Variants in MDGA2 observed in about 807,000 individuals in gnomAD.
The protein encoded by MDGA2 is MAM domain-containing glycosylphosphatidylinositol anchor protein 2.
Under a neutral mutation model 117.8 loss-of-function variants are expected in MDGA2, and 40 were observed. The observed-to-expected ratio is 0.34, with a 90% CI of 0.26 to 0.44. The LOEUF (loss-of-function observed/expected upper bound fraction) is 0.44. Ranked by LOEUF, MDGA2 falls within the 20% of genes least tolerant of loss-of-function variation. The pLI is 1.00. For synonymous variants in MDGA2, 452 were observed against 439.0 expected (o/e 1.03, Z -0.37); for missense variants, 1,123 against 1,250.6 (o/e 0.90, Z 1.54).
At chr14:47,193,151 T>G (rs949917886) in intron 3 of MDGA2, among the ~76,000 whole-genome samples, 2 of 152,234 alleles carry the variant, frequency 1.3e-5, no homozygotes, top group Non-Finnish European at 2.9e-5. Context: ...CTCGAAAAAG[T>G]AAGATTTCAG....
chr14:46,873,189 T>C (rs534370849), intron 14 of MDGA2: 2 of 384,458 alleles, frequency 5.2e-6, no homozygotes, highest in African/African-American at 2.1e-5. Context: ...AACTCATTGA[T>C]TGTCTACCTG....
At chr14:47,407,914 A>G (rs1892291546) in intron 1 of MDGA2, among the ~76,000 whole-genome samples, 1 of 152,182 alleles carries the variant, frequency 6.6e-6, no homozygotes, top group Admixed American at 6.5e-5. Context: ...CAGATAACAA[A>G]TAACACATGT....
chr14:47,600,801 C>T (rs1896633995), intron 1 of MDGA2, among the ~76,000 whole-genome samples: 1 of 151,468 alleles, frequency 6.6e-6, no homozygotes, highest in South Asian at 2.1e-4. Context: ...CAGCTTTCAA[C>T]TGTCTGTCTG....
At chr14:47,506,994 CTT>C (rs34589993) in intron 1 of MDGA2, among the ~76,000 whole-genome samples, 21 of 135,890 alleles carry the variant, frequency 1.5e-4, no homozygotes, top group East Asian at 2.1e-4. Flanking sequence ...AGGCTGCTTA[CTT>C]TTTTTTTTTT....
chr14:47,172,069 T>G (rs928512189), intron 3 of MDGA2, among the ~76,000 whole-genome samples: 2 of 152,064 alleles, frequency 1.3e-5, no homozygotes, highest in Non-Finnish European at 2.9e-5. Context: ...GAGATCAAAC[T>G]GCAAGGTGGC....
chr14:46,851,818 CATT>C (rs1406842269), intron 15 of MDGA2, among the ~76,000 whole-genome samples: 13 of 151,538 alleles, frequency 8.6e-5, no homozygotes, highest in East Asian at 1.9e-4. Context: ...ATATTGGTAT[CATT>C]GTTGTTATCA....
chr14:47,189,593 A>G (rs186846040), intron 3 of MDGA2, among the ~76,000 whole-genome samples: 1 of 152,302 alleles, frequency 6.6e-6, no homozygotes, highest in African/African-American at 2.4e-5. Flanking sequence ...TTAAACAAAA[A>G]TGCTGTCATT....
At chr14:46,936,933 G>A (rs1219957235) in intron 9 of MDGA2, among the ~76,000 whole-genome samples, 2 of 151,964 alleles carry the variant, frequency 1.3e-5, no homozygotes, top group Non-Finnish European at 2.9e-5. Flanking sequence ...AGTACTAGAT[G>A]TCCTAGCCAG....
chr14:46,851,796 T>A (rs1881065915), intron 15 of MDGA2, among the ~76,000 whole-genome samples: 2 of 151,824 alleles, frequency 1.3e-5, no homozygotes, highest in Non-Finnish European at 2.9e-5. Flanking sequence ...AAACCTTAAT[T>A]TATATAGTAA....
intron 1 of MDGA2, among the ~76,000 whole-genome samples, chr14:47,508,031 T>C (rs1049961822): frequency 2.0e-4 from 31 of 152,218 alleles, no homozygotes; most frequent in African/African-American, 7.0e-4. Context: ...TGAAAAAGAA[T>C]TCTATTTTTG....
chr14:47,651,064 G>A (rs1370275681), intron 1 of MDGA2, among the ~76,000 whole-genome samples: 1 of 152,080 alleles, frequency 6.6e-6, no homozygotes, highest in Non-Finnish European at 1.5e-5. Context: ...ATGATTTTGT[G>A]ATCAAAAATA....
chr14:47,494,775 T>C (rs964575204), intron 1 of MDGA2, among the ~76,000 whole-genome samples: 1 of 151,794 alleles, frequency 6.6e-6, no homozygotes, highest in African/African-American at 2.4e-5. Context: ...ATTTATTGAA[T>C]AGGGTGTCTT....
chr14:46,873,477 G>T lies in MDGA2; in HGVS notation c.2708C>A (p.Ala903Glu), dbSNP rs762165305. ...GTGATAAAAGAAGCTGAAACAATATGCAGTGTTTGTGGGTCCATAAGGGTT... is the reference window on the plus strand; with the variant it reads ...GTGATAAAAGAAGCTGAAACAATATTCAGTGTTTGTGGGTCCATAAGGGTT... ...PKNPYGPTNTAYCFSFFYHMY... is the reference protein window; with the variant it reads ...PKNPYGPTNTEYCFSFFYHMY... The change falls in exon 14 of 17, where the codon GCA becomes GAA. Residue 903 changes from alanine to glutamate, a missense_variant. Transcript: ENST00000399232. 1 of 1,612,192 alleles carries T rather than the reference G, an allele frequency of 6.2e-7. No individual in the cohort carries two copies. Among genetic ancestry groups the T allele is most frequent in the African/African-American group, 1.3e-5 (1 of 74,754 alleles).
At chr14:47,282,563 C>T (rs1475530366) in intron 2 of MDGA2, among the ~76,000 whole-genome samples, 1 of 151,520 alleles carries the variant, frequency 6.6e-6, no homozygotes, top group Admixed American at 6.6e-5. Flanking sequence ...CCGGGTGTGG[C>T]GGCAGGCGCC....
intron 2 of MDGA2, among the ~76,000 whole-genome samples, chr14:47,219,824 G>A (rs902113331): frequency 2.0e-5 from 3 of 152,104 alleles, no homozygotes; most frequent in Admixed American, 2.0e-4. Context: ...AATAGCATAT[G>A]TGTGTATTCA....
At chr14:47,384,611 G>C (rs1273554727) in intron 1 of MDGA2, among the ~76,000 whole-genome samples, 1 of 151,860 alleles carries the variant, frequency 6.6e-6, no homozygotes, top group Admixed American at 6.6e-5. Context: ...ATGTTTTGCA[G>C]TATGGCTTGA....
rs189909521 is a variant in MDGA2, at chr14:47,243,038, G to A, written c.421-24843C>T. ...ACTCTGTATCTAGCTGCTCTGGTGA[G>A]GACGTGCAGAACCTTTACATCTAGC... On this transcript the variant is annotated intron_variant, in intron 2 of 16. Transcript: ENST00000399232. 3.2e-4 allele frequency among the ~76,000 whole-genome samples: 48 copies of A among 151,858 alleles called. No homozygotes were observed. The South Asian group carries it at 6.5e-3, about 21-fold the overall frequency.
At chr14:47,508,604 G>C (rs547685289) in intron 1 of MDGA2, among the ~76,000 whole-genome samples, 2 of 152,134 alleles carry the variant, frequency 1.3e-5, no homozygotes, top group African/African-American at 4.8e-5. Context: ...ATCCTGACTA[G>C]AACAATATAG....
At chr14:47,558,824 A>G (rs1288454792) in intron 1 of MDGA2, among the ~76,000 whole-genome samples, 1 of 152,214 alleles carries the variant, frequency 6.6e-6, no homozygotes, top group Non-Finnish European at 1.5e-5. Context: ...ATTATTTTTA[A>G]CAATAGAGCT....
Sources: gnomAD v4.1 joint callset for allele counts (sites outside exome capture counted in the v4.1 genomes callset) on GRCh38, gnomAD v4.1.1 for gene constraint, MANE v1.5 for transcripts, NCBI Gene and HGNC (gene_info 2026-07-23, HGNC 2026-07-21) for gene names.